BNIP5: variants seen among roughly 807,000 people sequenced by gnomAD.
The protein encoded by BNIP5 is BCL2 interacting protein 5, also known as protein BNIP5.
Under a neutral mutation model 67.3 loss-of-function variants are expected in BNIP5, and 61 were observed. The ratio of observed to expected loss-of-function variants is 0.91; its 90% CI spans 0.74 to 1.12. BNIP5 has a LOEUF of 1.12. Among genes scored for constraint, BNIP5 ranks in the 50% most tolerant of loss-of-function variants. The pLI is 0.00. For synonymous variants in BNIP5, 317 were observed against 319.0 expected, an observed-to-expected ratio of 0.99 and a Z score of 0.07; for missense variants, 826 against 816.3, an observed-to-expected ratio of 1.01 and a Z score of -0.14.
intron 3 of BNIP5, among the ~76,000 whole-genome samples, chr6:36,328,277 C>T (rs1299556568): frequency 6.6e-6 from 1 of 152,136 alleles, no homozygotes; most frequent in Non-Finnish European, 1.5e-5. Flanking sequence ...TGTGAGTATA[C>T]AAAGCATTGA....
intron 6 of BNIP5, among the ~76,000 whole-genome samples, 168 bp from the exon 7 acceptor site, chr6:36,324,358 C>T (rs1771707032): frequency 6.6e-6 from 1 of 151,296 alleles, no homozygotes; most frequent in South Asian, 2.1e-4. Flanking sequence ...TACATATTCA[C>T]TTTACCAATG....
At chr6:36,329,754 T>C (rs1771841851) in intron 2 of BNIP5, among the ~76,000 whole-genome samples, 1 of 151,340 alleles carries the variant, frequency 6.6e-6, no homozygotes, top group African/African-American at 2.4e-5. Context: ...GAGCTTGCAG[T>C]GAGCCAAGAT....
At position 36,316,918 on chromosome 6, in the gene BNIP5, T is replaced by G. The variant is rs1771527369; in HGVS notation, c.*438A>C. On this transcript the variant is annotated 3_prime_UTR_variant, in exon 12 of 12. Transcript: ENST00000437635. Reference sequence around the variant, plus strand: ...GGGATACACTTCGATGCATATCTGTTTGGATGCATGTGGATGTTCTGTTTA... The same window carrying G: ...GGGATACACTTCGATGCATATCTGTGTGGATGCATGTGGATGTTCTGTTTA... 2.4e-6 allele frequency: 1 copy of G among 410,242 alleles called. No homozygotes were observed. 25.4% of individuals were successfully genotyped at this position (410,242 alleles called of 1,614,324 possible).
At chr6:36,324,075 A>G in intron 7 of BNIP5, 54 bp downstream of exon 7, 2 of 1,316,672 alleles carry the variant, frequency 1.5e-6, no homozygotes, top group East Asian at 2.3e-5. Context: ...TACACCAGGC[A>G]GGGTTGGGGA....
intron 10 of BNIP5, among the ~76,000 whole-genome samples, chr6:36,320,486 GC>G (rs1248453014): frequency 1.3e-5 from 2 of 152,234 alleles, no homozygotes; most frequent in Non-Finnish European, 1.5e-5. Flanking sequence ...TTGCAAAATG[GC>G]CCTGGGTCCT....
In BNIP5 at chr6:36,323,295, A is replaced by C. The variant is rs141735134; in HGVS notation, c.1469T>G (p.Leu490Arg). The C allele has an allele frequency of 2.2e-5, 35 of 1,614,026 alleles. No homozygotes were observed. In the African/African-American group the frequency reaches 3.5e-4, roughly 16 times the overall value. Residue 490 changes from leucine (L) to arginine (R), a missense_variant and splice_region_variant, in exon 8 of 12, where the codon CTT (leucine) becomes CGT (arginine). Leu to Arg is a moderately radical substitution (Grantham distance 102, BLOSUM62 -2). Coordinates refer to ENST00000437635, the MANE Select transcript of BNIP5 (RefSeq NM_001010903.5). ...GGHRPSTSSS[L>R]DPEDLECREP... is the part of the protein sequence containing the mutation. ...ATGGCAACACCAGGCCTGCTCACCA[A>C]GGCTGCTGGAGGTGGAGGGCCGATG...
chr6:36,332,477 T>C (rs1243094536), intron 1 of BNIP5, among the ~76,000 whole-genome samples: 2 of 152,226 alleles, frequency 1.3e-5, no homozygotes, highest in South Asian at 2.1e-4. Flanking sequence ...AGGTCTTCTA[T>C]CTTTGAGTGC....
At position 36,326,746 on chromosome 6, in the gene BNIP5, A is replaced by G. The variant is rs993688829; in HGVS notation, c.800T>C (p.Leu267Pro). 3.7e-6 allele frequency: 6 copies of G among 1,613,934 alleles called. No homozygotes were observed. In the African/African-American group the frequency reaches 8.0e-5, roughly 22 times the overall value. The part of the protein sequence containing the change: ...VGDQWEEEQS[L>P]ASQLGVALPN... ...CAGGGCCACCCCCAGCTGTGAGGCC[A>G]GAGATTGCTGTTGGGGAGAGGAGAA... Residue 267 changes from leucine to proline, a missense_variant, in exon 5 of 12, where the codon CTG becomes CCG. Transcript: ENST00000437635.
chr6:36,331,932 C>T (rs1236852790), intron 1 of BNIP5, among the ~76,000 whole-genome samples: 1 of 152,126 alleles, frequency 6.6e-6, no homozygotes, highest in East Asian at 1.9e-4. Context: ...CTCTAGGTCC[C>T]CATCTGCACT....
intron 8 of BNIP5, 52 bp downstream of exon 8, chr6:36,323,241 G>A: frequency 6.2e-7 from 1 of 1,609,732 alleles, no homozygotes; most frequent in Non-Finnish European, 8.5e-7. Flanking sequence ...CCACACAGCA[G>A]CCTTGCCCAA....
At chr6:36,336,156 C>A (rs533099030) in intron 1 of BNIP5, among the ~76,000 whole-genome samples, 1 of 152,318 alleles carries the variant, frequency 6.6e-6, no homozygotes, top group South Asian at 2.1e-4. Context: ...GAGCAGTAGA[C>A]CATGAGTTAT....
chr6:36,330,577 G>A lies in BNIP5; in HGVS notation c.114C>T (p.Ser38=), dbSNP rs756823472. ...GSESWDCHWL[S]LPTAPSRKAL... ...CCTTCCTGGAGGGGGCAGTGGGCAG[G>A]GAGAGCCAATGGCAGTCCCACGACT... Residue 38 remains serine, a synonymous_variant, in exon 2 of 12, where the codon TCC becomes TCT. Coordinates refer to ENST00000437635, the MANE Select transcript of BNIP5 (RefSeq NM_001010903.5). 6.2e-7 allele frequency: 1 copy of A among 1,613,382 alleles called. No individual in the cohort carries two copies.
intron 3 of BNIP5, among the ~76,000 whole-genome samples, chr6:36,327,566 G>A (rs1240736427): frequency 1.3e-5 from 2 of 152,196 alleles, no homozygotes; most frequent in African/African-American, 4.8e-5. Context: ...ATTCCAGTGG[G>A]AAAATGGTAG....
intron 11 of BNIP5, 144 bp downstream of exon 11, chr6:36,319,212 G>A: frequency 1.2e-6 from 1 of 830,080 alleles, no homozygotes; most frequent in Non-Finnish European, 1.9e-6. Context: ...AGGCCTCAGT[G>A]AGGAGGTGAC....
At chr6:36,329,450 G>A (rs1041062053) in intron 2 of BNIP5, among the ~76,000 whole-genome samples, 2 of 152,232 alleles carry the variant, frequency 1.3e-5, no homozygotes, top group South Asian at 2.1e-4. Flanking sequence ...CACACAGCTT[G>A]TGAACGGCGG....
At position 36,320,745 on chromosome 6, in the gene BNIP5, G is replaced by A. The variant is rs1771615439; in HGVS notation, c.1668+410C>T. Among the ~76,000 whole-genome samples, 3 of 152,358 alleles carry A rather than the reference G, an allele frequency of 2.0e-5. No homozygotes were observed. The South Asian group carries it at 6.2e-4, about 32-fold the overall frequency. On this transcript the variant is annotated intron_variant, in intron 10 of 11. Coordinates refer to ENST00000437635, the MANE Select transcript of BNIP5 (RefSeq NM_001010903.5). ...TGAGAGACCACATAAATGCTGAAGA[G>A]CACGGCAAGACCGAGAGTGAACCCG... is the stretch of plus-strand genomic sequence containing the variant.
Position 36,316,937 on chromosome 6 carries a change from C to A in BNIP5, c.*419G>T. On this transcript the variant is annotated 3_prime_UTR_variant, in exon 12 of 12. Coordinates refer to ENST00000437635, the MANE Select transcript of BNIP5 (RefSeq NM_001010903.5). The stretch of plus-strand genomic sequence containing the variant: ...ATCTGTTTGGATGCATGTGGATGTT[C>A]TGTTTAGAGATTAAATAAAAATTTA... 2.4e-6 allele frequency: 1 copy of A among 417,732 alleles called. No individual in the cohort carries two copies. Among genetic ancestry groups the A allele is most frequent in the South Asian group, 9.8e-5 (1 of 10,246 alleles). The allele number at this position is 417,732 out of a possible 1,614,324, so 25.9% of individuals were successfully genotyped here.
intron 3 of BNIP5, among the ~76,000 whole-genome samples, chr6:36,327,617 T>C (rs887916509): frequency 4.6e-5 from 7 of 152,158 alleles, no homozygotes; most frequent in Non-Finnish European, 1.0e-4. Flanking sequence ...AGGATGTCGG[T>C]AGGCATGACA....
Position 36,330,636 on chromosome 6 carries a change from G to C in BNIP5, c.55C>G (p.Leu19Val), listed in dbSNP as rs1032191170. ...TTCCCGGGGGCCTGCGGCCTGTCCA[G>C]AGACCTGGCTTTCTTCTCCGCCAGG... ...RPLAEKKARS[L>V]DRPQAPGKGS... The change falls in exon 2 of 12, where the codon CTG becomes GTG. Residue 19 changes from leucine (L) to valine (V), a missense_variant. Transcript: ENST00000437635. 6.2e-7 allele frequency: 1 copy of C among 1,605,860 alleles called. No individual in the cohort carries two copies. Among genetic ancestry groups the C allele is most frequent in the East Asian group, 2.2e-5 (1 of 44,864 alleles).
Sources: gnomAD v4.1 joint callset for allele counts (sites outside exome capture counted in the v4.1 genomes callset) on GRCh38, gnomAD v4.1.1 for gene constraint, MANE v1.5 for transcripts, NCBI Gene and HGNC (gene_info 2026-07-23, HGNC 2026-07-21) for gene names.